Variants in FUT8 observed in about 807,000 individuals in gnomAD.
FUT8 encodes the protein fucosyltransferase 8.
In FUT8, 29 loss-of-function variants were observed where a neutral mutation model predicts 71.3. The observed-to-expected ratio is 0.41, with a 90% CI of 0.30 to 0.55. The LOEUF (loss-of-function observed/expected upper bound fraction) is 0.55, where lower values mean the gene tolerates loss of function less well. FUT8 is among the 20% of genes least tolerant of loss of function. The pLI is 0.34. For missense variants in FUT8, 544 were observed against 702.1 expected, an observed-to-expected ratio of 0.77 and a Z score of 2.55; for synonymous variants, 254 against 239.3, an observed-to-expected ratio of 1.06 and a Z score of -0.57.
intron 2 of FUT8, among the ~76,000 whole-genome samples, chr14:65,487,017 CAT>C (rs768513982): frequency 1.3e-5 from 2 of 152,100 alleles, no homozygotes; most frequent in Non-Finnish European, 2.9e-5. Context: ...TGGAACATTA[CAT>C]AGTTTAGATG....
chr14:65,693,548 G>T (rs1435937889), intron 7 of FUT8, among the ~76,000 whole-genome samples: 1 of 152,156 alleles, frequency 6.6e-6, no homozygotes, highest in South Asian at 2.1e-4. Context: ...GAGAGAGGGA[G>T]GGGGAGAGGG....
chr14:65,450,142 T>C (rs927147511), intron 1 of FUT8, among the ~76,000 whole-genome samples: 2 of 152,178 alleles, frequency 1.3e-5, no homozygotes, highest in African/African-American at 4.8e-5. Flanking sequence ...TGAGACTCAA[T>C]GGGCCATTTG....
chr14:65,670,647 C>T (rs1892431348), intron 7 of FUT8, among the ~76,000 whole-genome samples: 1 of 151,998 alleles, frequency 6.6e-6, no homozygotes, highest in Non-Finnish European at 1.5e-5. Context: ...TTTTCACGAG[C>T]TACAACACTA....
intron 1 of FUT8, among the ~76,000 whole-genome samples, chr14:65,418,790 C>T (rs2065254027): frequency 6.6e-6 from 1 of 152,046 alleles, no homozygotes; most frequent in Admixed American, 6.6e-5. Context: ...ATACTTTTTT[C>T]CTTAGAGTTC....
At chr14:65,478,138 C>A (rs578089212) in intron 2 of FUT8, among the ~76,000 whole-genome samples, 39 of 152,068 alleles carry the variant, frequency 2.6e-4, no homozygotes, top group African/African-American at 9.2e-4. Context: ...AGCGTTCCCC[C>A]CTCTACCCCA....
chr14:65,694,787 G>A (rs562176469), intron 7 of FUT8, among the ~76,000 whole-genome samples: 10 of 150,228 alleles, frequency 6.7e-5, no homozygotes, highest in Middle Eastern at 3.4e-3. Flanking sequence ...GTAAACTATC[G>A]CAAGAACAAA....
rs1460015996 is a variant in FUT8 at position 65,652,264 on chromosome 14, T to C, written c.598-16979T>C. On this transcript the variant is annotated intron_variant, in intron 6 of 10. Coordinates refer to ENST00000673929, the MANE Select transcript of FUT8 (RefSeq NM_001371533.1). This position sits in a 1 kb window ranked among gnomAD's most constrained non-coding sequence, Gnocchi z 4.0. Reference sequence around the variant, plus strand: ...GAAGCTGGAAAGGCCAGATACTCGCTTTCCTAGCACCCTCCCTGTTTTGTA... The same window carrying C: ...GAAGCTGGAAAGGCCAGATACTCGCCTTCCTAGCACCCTCCCTGTTTTGTA... 6.6e-6 allele frequency among the ~76,000 whole-genome samples: 1 copy of C among 152,222 alleles called. No individual in the cohort carries two copies. Among genetic ancestry groups the C allele is most frequent in the Non-Finnish European group, 1.5e-5 (1 of 68,032 alleles).
chr14:65,552,490 T>C (rs575846487), intron 2 of FUT8, among the ~76,000 whole-genome samples: 1 of 152,218 alleles, frequency 6.6e-6, no homozygotes, highest in Non-Finnish European at 1.5e-5. Context: ...ATAAGAACCA[T>C]GCTGCATATT....
intron 3 of FUT8, among the ~76,000 whole-genome samples, chr14:65,597,146 T>G (rs1268671230): frequency 6.6e-6 from 1 of 152,180 alleles, no homozygotes; most frequent in Non-Finnish European, 1.5e-5. Context: ...GTTAAATAAC[T>G]TGCCCAGAGT....
At chr14:65,543,006 C>T (rs35525796) in intron 2 of FUT8, among the ~76,000 whole-genome samples, 149,640 of 152,096 alleles carry the variant, frequency 0.98, 73,674 homozygotes, top group Middle Eastern at 1. Context: ...GGTCTCAAAC[C>T]CCTGACCTCA....
At chr14:65,451,012 G>A (rs572805091) in intron 1 of FUT8, among the ~76,000 whole-genome samples, 5 of 151,888 alleles carry the variant, frequency 3.3e-5, no homozygotes, top group African/African-American at 9.6e-5. Context: ...GCCTGCCACC[G>A]CACCCCGCTA....
At position 65,454,712 on chromosome 14, in the gene FUT8, A is replaced by T. The variant is rs148426637; in HGVS notation, c.-325-909A>T. Among the ~76,000 whole-genome samples, 766 of 152,334 alleles carry T rather than the reference A, an allele frequency of 5.0e-3. 8 individuals are homozygous for T. The highest frequency in any genetic ancestry group is 0.018 in the African/African-American group (729 of 41,572). ...AAGTGGCAGAAACACACATTTCTAT[A>T]GAATATATTGTGTCTTTGTACTGTT... is the stretch of plus-strand genomic sequence containing the variant. On this transcript the variant is annotated intron_variant, in intron 1 of 10. Transcript: ENST00000673929.
chr14:65,542,379 T>C (rs1884726558), intron 2 of FUT8, among the ~76,000 whole-genome samples: 1 of 152,214 alleles, frequency 6.6e-6, no homozygotes, highest in African/African-American at 2.4e-5. Flanking sequence ...GATCCCTCTG[T>C]GTCCTAACTG....
At chr14:65,398,927 A>T in the FUT8 span, among the ~76,000 whole-genome samples, 3 of 152,286 alleles carry the variant, frequency 2.0e-5, no homozygotes, top group East Asian at 5.8e-4. Context: ...GAAGGATAAA[A>T]ATTTCCCCAC....
the FUT8 span, among the ~76,000 whole-genome samples, chr14:65,367,915 C>T: frequency 6.6e-6 from 1 of 152,000 alleles, no homozygotes; most frequent in Admixed American, 6.6e-5. Flanking sequence ...ATAAGAAAAG[C>T]TGGCAAACTG....
chr14:65,615,249 G>A (rs1433485362), intron 3 of FUT8, among the ~76,000 whole-genome samples: 3 of 152,026 alleles, frequency 2.0e-5, no homozygotes, highest in Non-Finnish European at 4.4e-5. Context: ...GGGACTGCAG[G>A]CACACACCAC....
chr14:65,507,447 T>G lies in FUT8; in HGVS notation c.-228+51729T>G, dbSNP rs182076586. The stretch of plus-strand genomic sequence containing the variant: ...TGTACCCATTAACCATCCCCACCTC[T>G]CCCTCATCCCACCACTACCTTTCCC... On this transcript the variant is annotated intron_variant, in intron 2 of 10. Transcript: ENST00000673929. Among the ~76,000 whole-genome samples the G allele has an allele frequency of 1.9e-3, 295 of 152,286 alleles. 4 individuals carry two copies. The East Asian group carries it at 0.045, about 23-fold the overall frequency.
At chr14:65,373,545 T>C in the FUT8 span, among the ~76,000 whole-genome samples, 2 of 152,122 alleles carry the variant, frequency 1.3e-5, no homozygotes, top group African/African-American at 2.4e-5. Context: ...GACACTGCTG[T>C]GGCGCCAGAG....
intron 7 of FUT8, among the ~76,000 whole-genome samples, chr14:65,685,914 A>G (rs1012186636): frequency 6.6e-6 from 1 of 152,152 alleles, no homozygotes; most frequent in Non-Finnish European, 1.5e-5. Context: ...TGGCTTCTTT[A>G]TGCAAGTTGT....
Sources: gnomAD v4.1 joint callset for allele counts (sites outside exome capture counted in the v4.1 genomes callset) on GRCh38, gnomAD v4.1.1 for gene constraint, Gnocchi (gnomAD v3.1) non-coding constraint, MANE v1.5 for transcripts, NCBI Gene and HGNC (gene_info 2026-07-23, HGNC 2026-07-21) for gene names.